MBNL2: variants seen among roughly 807,000 people sequenced by gnomAD.
The protein encoded by MBNL2 is muscleblind-like protein 2.
In MBNL2, 17 loss-of-function variants were observed where a neutral mutation model predicts 41.9. That is an observed-to-expected ratio of 0.41 (90% CI 0.28 to 0.61). MBNL2 has a LOEUF of 0.61. MBNL2 is among the 20% of genes least tolerant of loss of function. MBNL2 has a pLI of 0.35. For missense variants in MBNL2, 336 were observed against 505.6 expected, an observed-to-expected ratio of 0.66 and a Z score of 3.22; for synonymous variants, 195 against 182.9, an observed-to-expected ratio of 1.07 and a Z score of -0.53.
At chr13:97,181,638 C>CT in the MBNL2 span, among the ~76,000 whole-genome samples, 1 of 152,134 alleles carries the variant, frequency 6.6e-6, no homozygotes, top group Non-Finnish European at 1.5e-5. Context: ...ATTGGTTCAG[C>CT]TTTTTTCAGG....
At chr13:97,221,504 C>T (rs1416680371), upstream of MBNL2, 2 of 152,120 alleles carry the variant, frequency 1.3e-5, no homozygotes, top group Non-Finnish European at 2.9e-5. Flanking sequence ...GGATCATGTA[C>T]CCCTTGTATT....
rs931664931 is a variant in MBNL2 at position 97,393,903 on chromosome 13, G to A, written c.*2454G>A. The A allele has an allele frequency of 6.6e-6, 1 of 152,486 alleles. No individual in the cohort carries two copies. The highest frequency in any genetic ancestry group is 1.5e-5 in the Non-Finnish European group (1 of 67,978). The allele number at this position is 152,486 out of a possible 1,614,324, so 9.4% of individuals were successfully genotyped here. On this transcript the variant is annotated 3_prime_UTR_variant, in exon 9 of 9. Coordinates refer to ENST00000679496, the MANE Select transcript of MBNL2 (RefSeq NM_001382683.1). Reference sequence around the variant, plus strand: ...GTATGGGAACTACATTTCACTCTTGGTTTTCAGGATATAACAGCACTTCAC... The same window carrying A: ...GTATGGGAACTACATTTCACTCTTGATTTTCAGGATATAACAGCACTTCAC...
At chr13:97,358,065 A>G (rs1210916924) in intron 7 of MBNL2, among the ~76,000 whole-genome samples, 2 of 152,218 alleles carry the variant, frequency 1.3e-5, no homozygotes, top group Admixed American at 6.5e-5. Context: ...TATTCAAATT[A>G]AAGCAATTCT....
the MBNL2 span, among the ~76,000 whole-genome samples, chr13:97,182,814 T>A: frequency 6.6e-6 from 1 of 152,172 alleles, no homozygotes; most frequent in East Asian, 1.9e-4. Flanking sequence ...CCCAAGAGCA[T>A]CTTGAATTCC....
intron 1 of MBNL2, among the ~76,000 whole-genome samples, chr13:97,253,542 G>A (rs1301333813): frequency 6.6e-6 from 1 of 152,050 alleles, no homozygotes; most frequent in Non-Finnish European, 1.5e-5. Flanking sequence ...TATCACTTGT[G>A]GATCCTTTTC....
At chr13:97,281,965 C>T (rs116784809) in intron 2 of MBNL2, among the ~76,000 whole-genome samples, 3,098 of 152,088 alleles carry the variant, frequency 0.02, 56 homozygotes, top group African/African-American at 0.045. Flanking sequence ...ACTGCTCTTA[C>T]TGAATAAATC....
At chr13:97,371,015 G>A (rs1594280347) in intron 8 of MBNL2, among the ~76,000 whole-genome samples, 1 of 152,124 alleles carries the variant, frequency 6.6e-6, no homozygotes, top group Admixed American at 6.5e-5. Context: ...ATCTTAGAGT[G>A]TACATTAGAA....
intron 2 of MBNL2, among the ~76,000 whole-genome samples, chr13:97,330,264 G>A (rs1433547044): frequency 6.6e-6 from 1 of 152,180 alleles, no homozygotes; most frequent in African/African-American, 2.4e-5. Flanking sequence ...GGGCTTATGT[G>A]ACCCATGAGC....
rs60023497 is a variant in MBNL2, at chr13:97,391,783, G to A, written c.*334G>A. ...AGAAACATATTCCAAGGGCAGGTTC[G>A]ATTCTAGCTCTAATTACTGTCATGT... On this transcript the variant is annotated 3_prime_UTR_variant, in exon 9 of 9. Coordinates refer to ENST00000679496, the MANE Select transcript of MBNL2 (RefSeq NM_001382683.1). The A allele has an allele frequency of 2.0e-3, 405 of 207,156 alleles. 3 individuals carry two copies. The highest frequency in any genetic ancestry group is 8.9e-3 in the African/African-American group (378 of 42,406). 12.8% of individuals were successfully genotyped at this position (207,156 alleles called of 1,614,324 possible).
chr13:97,201,354 C>T, the MBNL2 span, among the ~76,000 whole-genome samples: 3 of 152,196 alleles, frequency 2.0e-5, no homozygotes, highest in Admixed American at 2.0e-4. Flanking sequence ...ACCTCACATG[C>T]TTGACTGTGT....
upstream of MBNL2, among the ~76,000 whole-genome samples, chr13:97,219,259 C>G (rs568043622): frequency 1.3e-5 from 2 of 152,302 alleles, no homozygotes; most frequent in East Asian, 3.9e-4. Context: ...CTGAACTCAT[C>G]CTGTGGGTCA....
chr13:97,147,818 A>G, the MBNL2 span, among the ~76,000 whole-genome samples: 1 of 152,212 alleles, frequency 6.6e-6, no homozygotes, highest in Non-Finnish European at 1.5e-5. Context: ...CAAGAGAGGC[A>G]GCTGATTGCA....
chr13:97,288,952 C>T (rs1334962323), intron 2 of MBNL2, among the ~76,000 whole-genome samples: 1 of 152,134 alleles, frequency 6.6e-6, no homozygotes, highest in Admixed American at 6.5e-5. Flanking sequence ...TGAGGTTGTA[C>T]CCACACAATA....
intron 2 of MBNL2, among the ~76,000 whole-genome samples, chr13:97,293,207 A>C (rs537718024): frequency 7.2e-5 from 11 of 152,284 alleles, no homozygotes; most frequent in Admixed American, 7.2e-4. Flanking sequence ...TGCTACAAAA[A>C]ATAGTTTTGG....
chr13:97,253,929 C>T (rs763270118), intron 1 of MBNL2, among the ~76,000 whole-genome samples: 1 of 152,000 alleles, frequency 6.6e-6, no homozygotes, highest in African/African-American at 2.4e-5. Context: ...CAGAGTCTCA[C>T]TCTGTTGCCC....
At chr13:97,354,100 C>T (rs1045712050) in intron 5 of MBNL2, among the ~76,000 whole-genome samples, 1 of 150,404 alleles carries the variant, frequency 6.6e-6, no homozygotes, top group African/African-American at 2.5e-5. Context: ...CACTCATGCA[C>T]ACCAAGCTGG....
chr13:97,184,514 C>T, the MBNL2 span, among the ~76,000 whole-genome samples: 3 of 152,094 alleles, frequency 2.0e-5, no homozygotes, highest in South Asian at 6.2e-4. Flanking sequence ...CCTCCACTAC[C>T]AAGCATCAGT....
chr13:97,355,623 A>G (rs907115315), intron 5 of MBNL2, among the ~76,000 whole-genome samples: 2 of 152,082 alleles, frequency 1.3e-5, no homozygotes, highest in Non-Finnish European at 2.9e-5. Context: ...TTTTTTTACA[A>G]CAATTAACAA....
At chr13:97,145,989 C>CTTT in the MBNL2 span, among the ~76,000 whole-genome samples, 19 of 141,762 alleles carry the variant, frequency 1.3e-4, no homozygotes, top group African/African-American at 4.9e-4. Flanking sequence ...CTTTTCTTTT[C>CTTT]TTTTCTTTTC....
Sources: gnomAD v4.1 joint callset for allele counts (sites outside exome capture counted in the v4.1 genomes callset) on GRCh38, gnomAD v4.1.1 for gene constraint, MANE v1.5 for transcripts, NCBI Gene and HGNC (gene_info 2026-07-23, HGNC 2026-07-21) for gene names.